HUNK: variants seen among roughly 807,000 people sequenced by gnomAD.
HUNK encodes the protein hormonally up-regulated Neu-associated kinase.
HUNK carries 21 observed loss-of-function variants against 61.0 expected under a neutral mutation model. That is an observed-to-expected ratio of 0.34 (90% CI 0.24 to 0.50). The LOEUF is 0.50. Among genes scored for constraint, HUNK ranks in the 20% least tolerant of loss-of-function variants. The probability of loss-of-function intolerance (pLI) is 0.98; values close to 1 mark genes in which losing one functional copy is unlikely to be tolerated. For synonymous variants in HUNK, 371 were observed against 386.1 expected (o/e 0.96, Z 0.46); for missense variants, 772 against 945.7 (o/e 0.82, Z 2.41).
At chr21:31,984,952 C>G (rs947645993) in intron 8 of HUNK, among the ~76,000 whole-genome samples, 1 of 152,136 alleles carries the variant, frequency 6.6e-6, no homozygotes, top group Admixed American at 6.5e-5. Flanking sequence ...ACAATCATGG[C>G]AGAAGGTAAA....
intron 1 of HUNK, among the ~76,000 whole-genome samples, chr21:31,896,602 G>A (rs1402082081): frequency 6.6e-6 from 1 of 152,168 alleles, no homozygotes; most frequent in East Asian, 1.9e-4. Context: ...ACAAGAAAAT[G>A]TTGTCCCTCT....
chr21:31,953,774 C>T (rs970466235), intron 4 of HUNK, among the ~76,000 whole-genome samples: 2 of 152,036 alleles, frequency 1.3e-5, no homozygotes, highest in African/African-American at 4.8e-5. Context: ...GAGGTGGGTC[C>T]TCTTTAAGGA....
intron 6 of HUNK, 38 bp downstream of exon 6, chr21:31,968,423 C>CG (rs2052983472): frequency 6.2e-7 from 1 of 1,612,116 alleles, no homozygotes; most frequent in Non-Finnish European, 8.5e-7. Context: ...TCGGGAGAGA[C>CG]GGGGCCTGTC....
chr21:31,959,596 G>T (rs1256082457), intron 5 of HUNK, among the ~76,000 whole-genome samples: 1 of 152,160 alleles, frequency 6.6e-6, no homozygotes, highest in African/African-American at 2.4e-5. Flanking sequence ...AGTACAATTT[G>T]TTCTTTTGTT....
intron 10 of HUNK, among the ~76,000 whole-genome samples, chr21:31,997,513 T>TA (rs1264104920): frequency 2.6e-5 from 4 of 152,302 alleles, no homozygotes; most frequent in African/African-American, 9.6e-5. Flanking sequence ...TGATTCCACT[T>TA]ATATGAGGTC....
At chr21:31,965,594 C>CTTTTTTT (rs71193162) in intron 5 of HUNK, among the ~76,000 whole-genome samples, 6 of 127,476 alleles carry the variant, frequency 4.7e-5, no homozygotes, top group Non-Finnish European at 8.1e-5. Flanking sequence ...CTTTGTTTTT[C>CTTTTTTT]TTTTTTTTTT....
chr21:31,968,303 A>C lies in HUNK; in HGVS notation c.928A>C (p.Asn310His). ...GGAACCGGATCCTGTGAAGAGGCCAAATATTCAGCAGGCACTGGCGAATCG... is the reference window on the plus strand; with the variant it reads ...GGAACCGGATCCTGTGAAGAGGCCACATATTCAGCAGGCACTGGCGAATCG... ...LLEPDPVKRPNIQQALANRWL... is the reference protein window; with the variant it reads ...LLEPDPVKRPHIQQALANRWL... Residue 310 changes from asparagine (N) to histidine (H), a missense_variant, in exon 6 of 11, where the codon AAT becomes CAT. Asn to His is a moderately conservative substitution (Grantham distance 68). Coordinates refer to ENST00000270112, the MANE Select transcript of HUNK (RefSeq NM_014586.2). The C allele has an allele frequency of 6.2e-7, 1 of 1,614,182 alleles. No homozygotes were observed. Among genetic ancestry groups the C allele is most frequent in the Non-Finnish European group, 8.5e-7 (1 of 1,180,010 alleles).
rs73903725 is a variant in HUNK at position 31,949,630 on chromosome 21, A to T, written c.746+3459A>T. The stretch of plus-strand genomic sequence containing the variant: ...GCACAAAAGGCTATGGGAGCCTGAA[A>T]GACCAAGAGGTCCCCTGTCTTAGTC... On this transcript the variant is annotated intron_variant, in intron 4 of 10. Coordinates refer to ENST00000270112, the MANE Select transcript of HUNK (RefSeq NM_014586.2). 9.2e-3 allele frequency among the ~76,000 whole-genome samples: 1,402 copies of T among 152,288 alleles called. 16 individuals are homozygous for T. The highest frequency in any genetic ancestry group is 0.031 in the African/African-American group (1,304 of 41,552).
chr21:31,877,883 A>G (rs530914362), intron 1 of HUNK, among the ~76,000 whole-genome samples: 4 of 152,126 alleles, frequency 2.6e-5, no homozygotes, highest in Non-Finnish European at 5.9e-5. Flanking sequence ...AACCAGACAG[A>G]GTGACTTGGG....
intron 4 of HUNK, among the ~76,000 whole-genome samples, chr21:31,952,268 A>C (rs2052855593): frequency 6.6e-6 from 1 of 151,860 alleles, no homozygotes; most frequent in Non-Finnish European, 1.5e-5. Flanking sequence ...TTAAAAGTTG[A>C]TACTGAAAGA....
intron 1 of HUNK, among the ~76,000 whole-genome samples, chr21:31,884,699 C>T (rs2052333589): frequency 1.3e-5 from 2 of 152,166 alleles, no homozygotes; most frequent in Non-Finnish European, 1.5e-5. Flanking sequence ...AAAACACGCC[C>T]TCATCAGACA....
chr21:31,971,134 A>G (rs534541633), intron 6 of HUNK, among the ~76,000 whole-genome samples: 1 of 152,242 alleles, frequency 6.6e-6, no homozygotes, highest in Non-Finnish European at 1.5e-5. Flanking sequence ...GCTGGAGTGC[A>G]GTGGTGCAAT....
intron 4 of HUNK, among the ~76,000 whole-genome samples, chr21:31,957,268 C>T (rs1352508446): frequency 2.0e-5 from 3 of 152,216 alleles, no homozygotes; most frequent in Non-Finnish European, 4.4e-5. Context: ...CAGTACCCAG[C>T]ACCTATAGTC....
intron 6 of HUNK, among the ~76,000 whole-genome samples, chr21:31,969,001 C>T (rs1298121070): frequency 5.3e-5 from 8 of 151,960 alleles, no homozygotes; most frequent in Non-Finnish European, 1.2e-4. Flanking sequence ...GCCTCAGCCT[C>T]CTGAGGAGCT....
chr21:31,979,896 A>G (rs1302822039), intron 7 of HUNK, among the ~76,000 whole-genome samples: 1 of 151,922 alleles, frequency 6.6e-6, no homozygotes, highest in Admixed American at 6.6e-5. Flanking sequence ...TCTGTCGATT[A>G]TTTCCTTTGT....
rs1448105409 is a variant in HUNK, at chr21:32,003,556, G to A, written c.*4372G>A. 2 of 152,234 alleles carry A rather than the reference G, an allele frequency of 1.3e-5. No individual in the cohort carries two copies. The highest frequency in any genetic ancestry group is 1.9e-4 in the East Asian group (1 of 5,198). The allele number at this position is 152,234 out of a possible 1,614,324, so 9.4% of individuals were successfully genotyped here. Reference sequence around the variant, plus strand: ...GGGTCTTCTGTGAGCTACAGGCACAGTAAGAATAATTCAGAGCGGTACTGG... The same window carrying A: ...GGGTCTTCTGTGAGCTACAGGCACAATAAGAATAATTCAGAGCGGTACTGG... On this transcript the variant is annotated 3_prime_UTR_variant, in exon 11 of 11. Coordinates refer to ENST00000270112, the MANE Select transcript of HUNK (RefSeq NM_014586.2).
chr21:31,962,436 A>T (rs1045012164), intron 5 of HUNK, among the ~76,000 whole-genome samples: 2 of 152,214 alleles, frequency 1.3e-5, no homozygotes, highest in East Asian at 3.9e-4. Flanking sequence ...ATTAAATTTA[A>T]CCTTAAAGAA....
rs980526714 is a variant in HUNK, at chr21:31,873,286, G to C, written c.-389G>C. 1 of 151,802 alleles carries C rather than the reference G, an allele frequency of 6.6e-6. No homozygotes were observed. The highest frequency in any genetic ancestry group is 6.6e-5 in the Admixed American group (1 of 15,224). The allele number at this position is 151,802 out of a possible 1,614,324, so 9.4% of individuals were successfully genotyped here. On this transcript the variant is annotated 5_prime_UTR_variant, in exon 1 of 11. Coordinates refer to ENST00000270112, the MANE Select transcript of HUNK (RefSeq NM_014586.2). The surrounding 1 kb of genome is among the most constrained non-coding windows in gnomAD (Gnocchi z 6.1). ...AGGCTGCGGAGGCACCCGGGCTCCC[G>C]GACCCAGGCACCCGGACCCCGGGAC... is the stretch of plus-strand genomic sequence containing the variant.
At chr21:31,921,293 G>A (rs1384446087) in intron 1 of HUNK, among the ~76,000 whole-genome samples, 3 of 151,930 alleles carry the variant, frequency 2.0e-5, no homozygotes, top group Admixed American at 1.3e-4. Context: ...TTTATGAAGC[G>A]CTGTGTGTCG....
Sources: gnomAD v4.1 joint callset for allele counts (sites outside exome capture counted in the v4.1 genomes callset) on GRCh38, gnomAD v4.1.1 for gene constraint, Gnocchi (gnomAD v3.1) non-coding constraint, MANE v1.5 for transcripts, NCBI Gene and HGNC (gene_info 2026-07-23, HGNC 2026-07-21) for gene names.